Variants in ADGRL3 observed in about 807,000 individuals in gnomAD.
The protein encoded by ADGRL3 is calcium-independent alpha-latrotoxin receptor 3.
ADGRL3 carries 62 observed loss-of-function variants against 153.5 expected under a neutral mutation model. The ratio of observed to expected loss-of-function variants is 0.40; its 90% CI spans 0.33 to 0.50. ADGRL3 has a LOEUF of 0.50. Ranked by LOEUF, ADGRL3 falls within the 20% of genes least tolerant of loss-of-function variation. The pLI is 0.47. For missense variants in ADGRL3, 1,641 were observed against 1,859.4 expected (o/e 0.88, Z 2.16); for synonymous variants, 710 against 672.5 (o/e 1.06, Z -0.86).
chr4:61,765,186 T>C (rs1202848014), intron 8 of ADGRL3, among the ~76,000 whole-genome samples: 2 of 152,006 alleles, frequency 1.3e-5, no homozygotes, highest in South Asian at 4.1e-4. Flanking sequence ...ACCAGCAGTG[T>C]AAACAAGAGC....
At chr4:61,926,155 A>G (rs1241849495) in intron 13 of ADGRL3, among the ~76,000 whole-genome samples, 4 of 152,172 alleles carry the variant, frequency 2.6e-5, no homozygotes, top group Non-Finnish European at 5.9e-5. Flanking sequence ...GATATAAAAG[A>G]TCAAAGCTAG....
intron 2 of ADGRL3, among the ~76,000 whole-genome samples, chr4:61,491,134 A>G (rs964838633): frequency 1.3e-5 from 2 of 152,108 alleles, no homozygotes; most frequent in African/African-American, 4.8e-5. Context: ...TAATTGTATC[A>G]TAGAGCTCTC....
intron 17 of ADGRL3, among the ~76,000 whole-genome samples, chr4:61,949,039 C>T (rs1478366978): frequency 1.3e-5 from 2 of 150,310 alleles, no homozygotes; most frequent in South Asian, 2.1e-4. Context: ...AAACACTAAG[C>T]AGGTCAGTGC....
At position 61,998,155 on chromosome 4, in the gene ADGRL3, A is replaced by G. The variant is rs2099128316; in HGVS notation, c.3304-19A>G. 7.2e-7 allele frequency: 1 copy of G among 1,391,296 alleles called. No homozygotes were observed. Among genetic ancestry groups the G allele is most frequent in the African/African-American group, 1.5e-5 (1 of 68,744 alleles). The allele number at this position is 1,391,296 out of a possible 1,614,324, so 86.2% of individuals were successfully genotyped here. On this transcript the variant is annotated intron_variant, in intron 20 of 26. Transcript: ENST00000683033. ...TCCTACTCCAATTATGCTACATAACACTACCTTTTGCATTCCAGCTTAATG... is the reference window on the plus strand; with the variant it reads ...TCCTACTCCAATTATGCTACATAACGCTACCTTTTGCATTCCAGCTTAATG...
intron 9 of ADGRL3, among the ~76,000 whole-genome samples, chr4:61,878,892 G>C (rs2098492279): frequency 6.6e-6 from 1 of 152,150 alleles, no homozygotes; most frequent in African/African-American, 2.4e-5. Flanking sequence ...ATCACTCATT[G>C]ACTCTTAAAT....
chr4:61,402,203 C>T (rs1046887157), intron 2 of ADGRL3, among the ~76,000 whole-genome samples: 1 of 151,996 alleles, frequency 6.6e-6, no homozygotes, highest in South Asian at 2.1e-4. Context: ...ATCTTGTGGG[C>T]TGTAGTTTGC....
intron 6 of ADGRL3, among the ~76,000 whole-genome samples, chr4:61,716,681 T>C (rs2096123147): frequency 6.6e-6 from 1 of 152,100 alleles, no homozygotes; most frequent in African/African-American, 2.4e-5. Context: ...TGAATTCAAA[T>C]AGATAATATA....
chr4:61,933,918 A>G (rs960849889), intron 13 of ADGRL3: 4 of 152,354 alleles, frequency 2.6e-5, no homozygotes, highest in Non-Finnish European at 5.9e-5. Context: ...TGCATATTTC[A>G]TAATGAATTG....
At chr4:61,748,279 C>G (rs375128096) in intron 8 of ADGRL3, among the ~76,000 whole-genome samples, 53 of 152,286 alleles carry the variant, frequency 3.5e-4, no homozygotes, top group East Asian at 1.7e-3. Flanking sequence ...AATGACCACA[C>G]TGCCCAAGGT....
chr4:61,711,162 ACTT>A (rs1414511679), intron 6 of ADGRL3, among the ~76,000 whole-genome samples: 1 of 152,136 alleles, frequency 6.6e-6, no homozygotes, highest in Admixed American at 6.6e-5. Context: ...TTGGAGCACA[ACTT>A]CTTCTTATAT....
intron 1 of ADGRL3, among the ~76,000 whole-genome samples, chr4:61,366,627 T>C (rs2096402860): frequency 6.6e-6 from 1 of 152,190 alleles, no homozygotes; most frequent in African/African-American, 2.4e-5. Flanking sequence ...TGCAGTGAAG[T>C]AGAGACAGAT....
At chr4:61,240,018 C>G (rs1007040913) in intron 1 of ADGRL3, among the ~76,000 whole-genome samples, 6 of 152,024 alleles carry the variant, frequency 3.9e-5, no homozygotes, top group African/African-American at 1.4e-4. Flanking sequence ...TTCTGCTTTA[C>G]AAAATATCTG....
chr4:61,432,568 C>CTTTCTTTCTTTCTTTCTTTCTTTCTTTT (rs778720002), intron 2 of ADGRL3, among the ~76,000 whole-genome samples: 5 of 38,370 alleles, frequency 1.3e-4, no homozygotes, highest in Admixed American at 3.4e-4. Context: ...TCTTTTCTTT[C>CTTTCTTTCTTTCTTTCTTTCTTTCTTTT]TCTTCCTTTC....
chr4:61,563,764 C>G (rs1404461225), intron 4 of ADGRL3, among the ~76,000 whole-genome samples: 1 of 152,142 alleles, frequency 6.6e-6, no homozygotes, highest in Non-Finnish European at 1.5e-5. Flanking sequence ...AATCCCAGCA[C>G]TTTGGGAGGT....
chr4:61,890,290 A>G (rs1193445588), intron 9 of ADGRL3, among the ~76,000 whole-genome samples: 1 of 152,208 alleles, frequency 6.6e-6, no homozygotes, highest in South Asian at 2.1e-4. Context: ...GAATTAAAGG[A>G]GTTGGAGAAA....
In ADGRL3 at chr4:61,543,295, T is replaced by C. The variant is rs371707097; in HGVS notation, c.259+25777T>C. ...ATCCTGGATTATGTAGATGGGTTCA[T>C]TGTAATCTCAAAGACCCTTAAAAGT... On this transcript the variant is annotated intron_variant, in intron 4 of 26. Transcript: ENST00000683033. 1.8e-4 allele frequency among the ~76,000 whole-genome samples: 27 copies of C among 152,166 alleles called. 1 individual carries two copies. Among genetic ancestry groups the C allele is most frequent in the African/African-American group, 6.0e-4 (25 of 41,496 alleles).
At chr4:61,666,543 G>GAAAAA (rs35300313) in intron 5 of ADGRL3, among the ~76,000 whole-genome samples, 2 of 143,110 alleles carry the variant, frequency 1.4e-5, no homozygotes, top group Non-Finnish European at 3.0e-5. Flanking sequence ...TGTCCCAGAT[G>GAAAAA]AAAAAAAAAA....
chr4:61,222,560 T>TA (rs1560366199), intron 1 of ADGRL3, among the ~76,000 whole-genome samples: 1 of 152,040 alleles, frequency 6.6e-6, no homozygotes, highest in Non-Finnish European at 1.5e-5. Flanking sequence ...AACTCTGGAC[T>TA]AACAAAACAA....
chr4:61,817,188 C>A (rs2097698088), intron 9 of ADGRL3, among the ~76,000 whole-genome samples: 1 of 151,234 alleles, frequency 6.6e-6, no homozygotes, highest in Admixed American at 6.6e-5. Flanking sequence ...CCCTGGGCAC[C>A]ATGAATGGCA....
Sources: gnomAD v4.1 joint callset for allele counts (sites outside exome capture counted in the v4.1 genomes callset) on GRCh38, gnomAD v4.1.1 for gene constraint, MANE v1.5 for transcripts, NCBI Gene and HGNC (gene_info 2026-07-23, HGNC 2026-07-21) for gene names.